Variants in TBC1D32 observed in about 807,000 individuals in gnomAD.
TBC1D32 encodes the protein TBC1 domain family member 32.
In TBC1D32, 151 loss-of-function variants were observed where a neutral mutation model predicts 170.3. That is an observed-to-expected ratio of 0.89 (90% CI 0.78 to 1.01). The LOEUF (loss-of-function observed/expected upper bound fraction) is 1.01. Ranked by LOEUF, TBC1D32 falls within the 50% of genes least tolerant of loss-of-function variation. TBC1D32 has a pLI of 0.00. For missense variants in TBC1D32, 1,464 were observed against 1,457.1 expected, an observed-to-expected ratio of 1.00 and a Z score of -0.08; for synonymous variants, 498 against 488.0, an observed-to-expected ratio of 1.02 and a Z score of -0.27.
At chr6:121,277,537 G>GA (rs1191032536) in intron 15 of TBC1D32, among the ~76,000 whole-genome samples, 23 of 121,884 alleles carry the variant, frequency 1.9e-4, no homozygotes, top group African/African-American at 7.4e-4. Context: ...AATCTCAAGA[G>GA]AAAATAAAAA....
intron 1 of TBC1D32, among the ~76,000 whole-genome samples, chr6:121,323,416 T>A (rs2128505327): frequency 6.6e-6 from 1 of 152,352 alleles, no homozygotes; most frequent in South Asian, 2.1e-4. Context: ...AGAGCCATTT[T>A]ACTCATACCA....
At chr6:121,247,638 G>C (rs574329637) in intron 17 of TBC1D32, among the ~76,000 whole-genome samples, 1 of 84,550 alleles carries the variant, frequency 1.2e-5, no homozygotes, top group African/African-American at 4.5e-5. Flanking sequence ...CACACAAATA[G>C]AAACCAAAAC....
intron 19 of TBC1D32, among the ~76,000 whole-genome samples, chr6:121,239,608 G>T (rs117712995): frequency 1.3e-5 from 2 of 152,052 alleles, no homozygotes; most frequent in African/African-American, 4.8e-5. Flanking sequence ...GGTAACAGGA[G>T]GCCAGGTAGG....
intron 12 of TBC1D32, among the ~76,000 whole-genome samples, chr6:121,289,429 G>T (rs952518363): frequency 2.0e-5 from 3 of 152,104 alleles, no homozygotes; most frequent in African/African-American, 7.2e-5. Context: ...AAATACCTAG[G>T]AATCCAACTT....
chr6:121,221,414 T>G (rs917708809), intron 21 of TBC1D32, among the ~76,000 whole-genome samples: 2 of 152,234 alleles, frequency 1.3e-5, no homozygotes, highest in Admixed American at 6.5e-5. Flanking sequence ...AGGAGTAATT[T>G]TGACTTTCAA....
intron 26 of TBC1D32, among the ~76,000 whole-genome samples, chr6:121,119,145 C>A (rs894759309): frequency 6.6e-6 from 1 of 152,134 alleles, no homozygotes; most frequent in African/African-American, 2.4e-5. Context: ...TAAAATAAAA[C>A]CCTTCATTGA....
At chr6:121,227,161 G>A (rs975888734) in intron 20 of TBC1D32, among the ~76,000 whole-genome samples, 61 of 152,180 alleles carry the variant, frequency 4.0e-4, no homozygotes, top group Admixed American at 3.7e-3. Context: ...CCCATGGGCC[G>A]CAGGTTCAAC....
intron 24 of TBC1D32, among the ~76,000 whole-genome samples, chr6:121,156,280 C>G (rs1784874396): frequency 6.6e-6 from 1 of 151,698 alleles, no homozygotes; most frequent in Non-Finnish European, 1.5e-5. Flanking sequence ...ATCCTATAGA[C>G]TTTCTAATTT....
chr6:121,184,603 G>C (rs1420151630), intron 22 of TBC1D32, among the ~76,000 whole-genome samples: 1 of 151,712 alleles, frequency 6.6e-6, no homozygotes, highest in African/African-American at 2.4e-5. Context: ...CAAAACTCAT[G>C]CAGCCTCCAA....
chr6:121,080,529 A>C lies in TBC1D32; in HGVS notation c.*242T>G. 1 of 411,970 alleles carries C rather than the reference A, an allele frequency of 2.4e-6. No homozygotes were observed. Among genetic ancestry groups the C allele is most frequent in the Middle Eastern group, 5.6e-4 (1 of 1,780 alleles). The allele number at this position is 411,970 out of a possible 1,614,324, so 25.5% of individuals were successfully genotyped here. A position where few individuals can be genotyped will look rare whatever the true frequency, so the allele number is the denominator to read the frequency against. The stretch of plus-strand genomic sequence containing the variant: ...GCGCCTGGCCAGGACTAACTCTTAA[A>C]CATGAATAAGAACTAAAAGTAAGCT... On this transcript the variant is annotated 3_prime_UTR_variant, in exon 32 of 32. Coordinates refer to ENST00000398212, the MANE Select transcript of TBC1D32 (RefSeq NM_152730.6).
intron 13 of TBC1D32, among the ~76,000 whole-genome samples, chr6:121,282,661 A>G (rs1803189057): frequency 6.6e-6 from 1 of 151,800 alleles, no homozygotes; most frequent in Non-Finnish European, 1.5e-5. Context: ...CACTCATCCA[A>G]TCATCTTCTA....
intron 27 of TBC1D32, 99 bp downstream of exon 27, chr6:121,115,073 C>A: frequency 3.4e-6 from 3 of 870,794 alleles, no homozygotes; most frequent in South Asian, 2.6e-5. Flanking sequence ...TTAAAGTATA[C>A]AAAATAGTTG....
chr6:121,115,118 G>A (rs1209804507), intron 27 of TBC1D32, 54 bp downstream of exon 27: 2 of 1,380,704 alleles, frequency 1.4e-6, no homozygotes, highest in Non-Finnish European at 2.0e-6. Context: ...CACATATGAG[G>A]CAGATAAAAC....
At chr6:121,102,255 A>T (rs2128187585) in intron 30 of TBC1D32, among the ~76,000 whole-genome samples, 1 of 152,266 alleles carries the variant, frequency 6.6e-6, no homozygotes, top group Middle Eastern at 3.4e-3. Context: ...GTTCATGTGG[A>T]ACCAGAAAAG....
chr6:121,221,759 GT>G (rs1259943425), intron 21 of TBC1D32, among the ~76,000 whole-genome samples: 1 of 152,226 alleles, frequency 6.6e-6, no homozygotes, highest in Admixed American at 6.5e-5. Flanking sequence ...CAGATGAGGA[GT>G]TGAGTGGTTT....
intron 21 of TBC1D32, among the ~76,000 whole-genome samples, chr6:121,205,894 C>T (rs1163300241): frequency 1.3e-5 from 2 of 152,104 alleles, no homozygotes; most frequent in African/African-American, 2.4e-5. Context: ...TTTTAGCCAA[C>T]CACACAATTT....
At chr6:121,125,044 C>G (rs1780679054) in intron 26 of TBC1D32, among the ~76,000 whole-genome samples, 2 of 152,130 alleles carry the variant, frequency 1.3e-5, no homozygotes, top group Non-Finnish European at 2.9e-5. Flanking sequence ...TCATTTTGTC[C>G]ATTTGGTGAG....
chr6:121,283,727 T>C lies in TBC1D32; in HGVS notation c.1465+91A>G, dbSNP rs1481056568. ...TCTTAATGAAACCTACTTACCAAAG[T>C]AGGTCAGGCACTCAAAACATCTAGA... On this transcript the variant is annotated intron_variant, in intron 13 of 31. Transcript: ENST00000398212. The C allele has an allele frequency of 1.7e-5, 15 of 893,108 alleles. No individual in the cohort carries two copies. In the South Asian group the frequency reaches 2.2e-4, roughly 13 times the overall value. 55.3% of individuals were successfully genotyped at this position (893,108 alleles called of 1,614,324 possible). A position where few individuals can be genotyped will look rare whatever the true frequency, so the allele number is the denominator to read the frequency against.
intron 3 of TBC1D32, among the ~76,000 whole-genome samples, chr6:121,311,656 G>A (rs1450354393): frequency 6.6e-6 from 1 of 151,128 alleles, no homozygotes; most frequent in East Asian, 1.9e-4. Context: ...TGAACCAGGA[G>A]ACGGAGGTTT....
Sources: gnomAD v4.1 joint callset for allele counts (sites outside exome capture counted in the v4.1 genomes callset) on GRCh38, gnomAD v4.1.1 for gene constraint, MANE v1.5 for transcripts, NCBI Gene and HGNC (gene_info 2026-07-23, HGNC 2026-07-21) for gene names.